Variants in SLC17A8 observed in about 807,000 individuals in gnomAD.
SLC17A8 encodes vesicular glutamate transporter 3.
In SLC17A8, 31 loss-of-function variants were observed where a neutral mutation model predicts 58.0. The observed-to-expected ratio is 0.53, with a 90% CI of 0.40 to 0.72. The LOEUF (loss-of-function observed/expected upper bound fraction) is 0.72. Ranked by LOEUF, SLC17A8 falls within the 30% of genes least tolerant of loss-of-function variation. The probability of loss-of-function intolerance (pLI) is 0.00; values close to 1 mark genes in which losing one functional copy is unlikely to be tolerated. For synonymous variants in SLC17A8, 228 were observed against 249.0 expected, an observed-to-expected ratio of 0.92 and a Z score of 0.79; for missense variants, 655 against 727.8, an observed-to-expected ratio of 0.90 and a Z score of 1.15.
In SLC17A8 at chr12:100,421,642, CTTA is replaced by C. The variant is rs1009966034; in HGVS notation, c.*1489_*1491del. The C allele has an allele frequency of 7.9e-6, 1 of 126,664 alleles. No individual in the cohort carries two copies. The highest frequency in any genetic ancestry group is 3.1e-5 in the African/African-American group (1 of 32,340). The allele number at this position is 126,664 out of a possible 1,614,324, so 7.8% of individuals were successfully genotyped here. A position where few individuals can be genotyped will look rare whatever the true frequency, so the allele number is the denominator to read the frequency against. On this transcript the variant is annotated 3_prime_UTR_variant, in exon 12 of 12. Coordinates refer to ENST00000323346, the MANE Select transcript of SLC17A8 (RefSeq NM_139319.3). ...GAAAAAATTATAGATTTACTTGTAG[CTTA>C]TTATTGTAAAGTGTTTTTTTTTTTT...
chr12:100,397,407 A>G (rs952445418), intron 5 of SLC17A8, among the ~76,000 whole-genome samples: 9 of 152,214 alleles, frequency 5.9e-5, no homozygotes, highest in Admixed American at 4.6e-4. Context: ...AATAAGAAGT[A>G]GAGACCATCC....
chr12:100,370,396 C>A (rs963282916), intron 1 of SLC17A8, among the ~76,000 whole-genome samples: 2 of 152,082 alleles, frequency 1.3e-5, no homozygotes, highest in African/African-American at 4.8e-5. Flanking sequence ...CTCCTGGGTT[C>A]AGGCGATTCT....
At chr12:100,413,847 C>T (rs1037120157) in intron 10 of SLC17A8, among the ~76,000 whole-genome samples, 6 of 152,012 alleles carry the variant, frequency 3.9e-5, no homozygotes, top group African/African-American at 9.7e-5. Flanking sequence ...TGTAATGGCG[C>T]ACACCTGCAG....
chr12:100,398,673 T>C (rs1163048861), intron 5 of SLC17A8, among the ~76,000 whole-genome samples: 1 of 152,180 alleles, frequency 6.6e-6, no homozygotes, highest in Non-Finnish European at 1.5e-5. Flanking sequence ...TCAAAAGATA[T>C]TGGAGTTAGA....
rs998814572 is a variant in SLC17A8, at chr12:100,357,489, A to G, written c.98A>G (p.Gln33Arg). 4 of 1,605,228 alleles carry G rather than the reference A, an allele frequency of 2.5e-6. No homozygotes were observed. The highest frequency in any genetic ancestry group is 1.1e-5 in the South Asian group (1 of 90,898). The change falls in exon 1 of 12, where the codon CAA becomes CGA. Residue 33 changes from glutamine to arginine, a missense_variant. Transcript: ENST00000323346. ...NAVGDSLGIL[Q>R]RKIDGTTEEE... ...GTGGGAGATTCTTTGGGAATTTTACAAAGGTAAAGTTTGAATGCGAACTTT... is the reference window on the plus strand; with the variant it reads ...GTGGGAGATTCTTTGGGAATTTTACGAAGGTAAAGTTTGAATGCGAACTTT...
chr12:100,396,491 TA>T, intron 5 of SLC17A8, 74 bp downstream of exon 5: 3 of 1,195,350 alleles, frequency 2.5e-6, no homozygotes, highest in Non-Finnish European at 3.7e-6. Flanking sequence ...CTCACGCCTG[TA>T]ATCTCAGCAC....
chr12:100,400,506 T>C (rs912659251), intron 5 of SLC17A8, among the ~76,000 whole-genome samples: 16 of 152,066 alleles, frequency 1.1e-4, no homozygotes, highest in African/African-American at 3.9e-4. Context: ...CTTCCTCGGG[T>C]GTCATGATGT....
In SLC17A8 at chr12:100,380,723, G is replaced by A. The variant is rs567965694; in HGVS notation, c.124G>A (p.Glu42Lys). 39 of 1,613,920 alleles carry A rather than the reference G, an allele frequency of 2.4e-5. 1 individual carries two copies. The South Asian group carries it at 4.1e-4, about 17-fold the overall frequency. The change falls in exon 2 of 12, where the codon GAA becomes AAA. Residue 42 changes from glutamate (E) to lysine (K), a missense_variant. Glu to Lys is a moderately conservative substitution (Grantham distance 56, BLOSUM62 1). Transcript: ENST00000323346. ...TAGAAAAATCGATGGGACAACTGAG[G>A]AAGAAGATAACATTGAGCTGAATGA... ...LQRKIDGTTEEEDNIELNEEG... is the reference protein window; with the variant it reads ...LQRKIDGTTEKEDNIELNEEG...
At chr12:100,375,753 A>G (rs963558993) in intron 1 of SLC17A8, among the ~76,000 whole-genome samples, 2 of 152,226 alleles carry the variant, frequency 1.3e-5, no homozygotes. Context: ...ACCACTTATT[A>G]ATATAAAGCA....
chr12:100,421,275 T>A lies in SLC17A8; in HGVS notation c.*1116T>A, dbSNP rs565228718. The A allele has an allele frequency of 2.6e-5, 4 of 152,310 alleles. No individual in the cohort carries two copies. The East Asian group carries it at 7.7e-4, about 29-fold the overall frequency. 9.4% of individuals were successfully genotyped at this position (152,310 alleles called of 1,614,324 possible). ...AAAAATGTATCTCTTTAGCCTTTTC[T>A]GCTGGAGATTATATTAGGAAGTTTC... is the stretch of plus-strand genomic sequence containing the variant. On this transcript the variant is annotated 3_prime_UTR_variant, in exon 12 of 12. Transcript: ENST00000323346.
chr12:100,411,810 G>T (rs2136013915), intron 9 of SLC17A8, among the ~76,000 whole-genome samples: 1 of 148,996 alleles, frequency 6.7e-6, no homozygotes, highest in South Asian at 2.1e-4. Flanking sequence ...CTTTTGTTCT[G>T]CAATATTTTC....
rs571496447 is a variant in SLC17A8, at chr12:100,357,110, C to T, written c.-282C>T. On this transcript the variant is annotated 5_prime_UTR_variant, in exon 1 of 12. Transcript: ENST00000323346. ...GGCTGCCTGAGACAGCTGCCACAGGCTGCTGCAGAGCGTGCAGCTTTTGCA... is the reference window on the plus strand; with the variant it reads ...GGCTGCCTGAGACAGCTGCCACAGGTTGCTGCAGAGCGTGCAGCTTTTGCA... 15 of 394,744 alleles carry T rather than the reference C, an allele frequency of 3.8e-5. No individual in the cohort carries two copies. The highest frequency in any genetic ancestry group is 4.8e-5 in the Non-Finnish European group (10 of 207,664). The allele number at this position is 394,744 out of a possible 1,614,324, so 24.5% of individuals were successfully genotyped here.
intron 1 of SLC17A8, among the ~76,000 whole-genome samples, chr12:100,380,153 C>T (rs778299189): frequency 6.7e-5 from 10 of 150,100 alleles, no homozygotes; most frequent in South Asian, 2.1e-4. Context: ...GAGCCGAGAT[C>T]GTGCCATTGC....
At chr12:100,404,265 G>T in intron 9 of SLC17A8, 95 bp downstream of exon 9, 1 of 1,523,932 alleles carries the variant, frequency 6.6e-7, no homozygotes, top group Non-Finnish European at 9.1e-7. Flanking sequence ...TTTAGTCATT[G>T]GAGTGGATCT....
chr12:100,419,759 C>T lies in SLC17A8; in HGVS notation c.1426-56C>T. The T allele has an allele frequency of 6.4e-6, 10 of 1,557,444 alleles. No homozygotes were observed. The Middle Eastern group carries it at 6.7e-4, about 104-fold the overall frequency. The stretch of plus-strand genomic sequence containing the variant: ...TCACAGTGGAGGCCTCCAGGACATA[C>T]TGGTAATCTCTAGTTTTAGTTAAAA... On this transcript the variant is annotated intron_variant, in intron 11 of 11. Transcript: ENST00000323346.
Position 100,412,832 on chromosome 12 carries a change from A to C in SLC17A8, c.1249A>C (p.Ile417Leu). ...VGFSHTKGVA[I>L]SFLVLAVGFS... Reference sequence around the variant, plus strand: ...CTTTTCGCATACCAAAGGGGTGGCTATCTCCTTTCTGGTACTTGCTGTAGG... The same window carrying C: ...CTTTTCGCATACCAAAGGGGTGGCTCTCTCCTTTCTGGTACTTGCTGTAGG... Residue 417 changes from isoleucine (I) to leucine (L), a missense_variant, in exon 10 of 12, where the codon ATC becomes CTC. Coordinates refer to ENST00000323346, the MANE Select transcript of SLC17A8 (RefSeq NM_139319.3). 1 of 1,614,110 alleles carries C rather than the reference A, an allele frequency of 6.2e-7. No homozygotes were observed. Among genetic ancestry groups the C allele is most frequent in the Non-Finnish European group, 8.5e-7 (1 of 1,180,006 alleles).
chr12:100,401,888 C>A, intron 6 of SLC17A8, 25 bp downstream of exon 6: 2 of 1,548,710 alleles, frequency 1.3e-6, no homozygotes, highest in South Asian at 1.1e-5. Flanking sequence ...TTCACAAGTT[C>A]ACATGTGACT....
intron 10 of SLC17A8, among the ~76,000 whole-genome samples, chr12:100,414,210 C>T (rs80046577): frequency 0.037 from 5,694 of 152,238 alleles, 180 homozygotes; most frequent in Admixed American, 0.054. Flanking sequence ...GGCCGTGCTC[C>T]TTCCATTATT....
At chr12:100,404,728 C>T (rs929794470) in intron 9 of SLC17A8, among the ~76,000 whole-genome samples, 1 of 152,132 alleles carries the variant, frequency 6.6e-6, no homozygotes, top group African/African-American at 2.4e-5. Context: ...GCTTTCTGTG[C>T]CAGACACTAA....
Sources: allele counts gnomAD v4.1 joint callset (sites outside exome capture counted in the v4.1 genomes callset), GRCh38; gene constraint gnomAD v4.1.1; transcripts MANE v1.5; gene names NCBI Gene and HGNC (gene_info 2026-07-23, HGNC 2026-07-21).